The following STIM1 variants were observed in gnomAD, a reference collection of about 807,000 sequenced individuals.
STIM1 encodes the protein stromal interaction molecule 1.
STIM1 carries 25 observed loss-of-function variants against 74.7 expected under a neutral mutation model. That is an observed-to-expected ratio of 0.33 (90% CI 0.24 to 0.47). The LOEUF (loss-of-function observed/expected upper bound fraction) is 0.47. Ranked by LOEUF, STIM1 falls within the 20% of genes least tolerant of loss-of-function variation. The probability of loss-of-function intolerance (pLI) is 1.00; values close to 1 mark genes in which losing one functional copy is unlikely to be tolerated. For synonymous variants in STIM1, 328 were observed against 348.8 expected (o/e 0.94, Z 0.66); for missense variants, 728 against 920.8 (o/e 0.79, Z 2.71).
chr11:3,973,204 C>T, intron 2 of STIM1: 2 of 446,146 alleles, frequency 4.5e-6, no homozygotes, highest in Non-Finnish European at 4.4e-6. Flanking sequence ...ACCAGCATGG[C>T]TGCTACCAAA....
In STIM1 at chr11:3,922,003, A is replaced by G. The variant is rs1043704376; in HGVS notation, c.140-45549A>G. ...TTAAAACCTAAGAGACCAGAGCCAT[A>G]GCCACTCAGTTAAGCCACTTCCTTG... On this transcript the variant is annotated intron_variant, in intron 1 of 12. Coordinates refer to ENST00000526596, the MANE Select transcript of STIM1 (RefSeq NM_001382567.1). 2.6e-5 allele frequency: 4 copies of G among 152,202 alleles called. No individual in the cohort carries two copies. In the East Asian group the frequency reaches 7.7e-4, roughly 29 times the overall value. 9.4% of individuals were successfully genotyped at this position (152,202 alleles called of 1,614,324 possible). A position where few individuals can be genotyped will look rare whatever the true frequency, so the allele number is the denominator to read the frequency against.
chr11:4,040,857 G>A (rs1258175176), intron 3 of STIM1, among the ~76,000 whole-genome samples: 1 of 152,220 alleles, frequency 6.6e-6, no homozygotes, highest in African/African-American at 2.4e-5. Context: ...GGCCCTGGGA[G>A]ACCTGGTTTT....
intron 1 of STIM1, among the ~76,000 whole-genome samples, chr11:3,895,729 TCTTTCTTTTTCTTTCTTC>T (rs2092112312): frequency 9.7e-5 from 4 of 41,036 alleles, no homozygotes; most frequent in African/African-American, 1.7e-4. Context: ...TTTCTTTCTT[TCTTTCTTTTTCTTTCTTC>T]CTTCCTTCCT....
At chr11:3,895,671 T>TTTCTTTCC (rs2092072574) in intron 1 of STIM1, among the ~76,000 whole-genome samples, 45 of 43,368 alleles carry the variant, frequency 1.0e-3, no homozygotes, top group East Asian at 4.5e-3. Context: ...TCTTTCTTTC[T>TTTCTTTCC]TTCCTTCCTT....
intron 3 of STIM1, among the ~76,000 whole-genome samples, chr11:4,054,435 G>A (rs1360641177): frequency 6.7e-6 from 1 of 149,278 alleles, no homozygotes; most frequent in Non-Finnish European, 1.5e-5. Flanking sequence ...GTCAGTCCAT[G>A]GCCCGTTAGG....
chr11:3,911,770 G>A (rs2092565663), intron 1 of STIM1, among the ~76,000 whole-genome samples: 1 of 152,136 alleles, frequency 6.6e-6, no homozygotes, highest in African/African-American at 2.4e-5. Context: ...CTCCTTGCCT[G>A]TAGGCAGGCA....
At chr11:3,927,789 C>G (rs1029355761) in intron 1 of STIM1, among the ~76,000 whole-genome samples, 1 of 152,150 alleles carries the variant, frequency 6.6e-6, no homozygotes, top group Admixed American at 6.5e-5. Context: ...TTTCACTTCT[C>G]CTTGTAAGTC....
At chr11:3,964,104 A>G (rs78603386) in intron 1 of STIM1, among the ~76,000 whole-genome samples, 2,528 of 152,350 alleles carry the variant, frequency 0.017, 72 homozygotes, top group African/African-American at 0.057. Context: ...TGGAGGCTCA[A>G]ATAAATTAAC....
chr11:4,056,113 T>C (rs1247292509), intron 4 of STIM1, among the ~76,000 whole-genome samples: 2 of 152,210 alleles, frequency 1.3e-5, no homozygotes, highest in Non-Finnish European at 2.9e-5. Flanking sequence ...CCTGAGCAGC[T>C]GCCTCTTTTA....
At position 4,091,667 on chromosome 11, in the gene STIM1, C is replaced by T. The variant is rs779108452; in HGVS notation, c.2020C>T (p.Arg674Cys). Residue 674 changes from arginine (R) to cysteine (C), a missense_variant, in exon 13 of 13, where the codon CGC (arginine) becomes TGC (cysteine). By Grantham distance (180) the Arg-to-Cys change is radical. Coordinates refer to ENST00000526596, the MANE Select transcript of STIM1 (RefSeq NM_001382567.1). Reference sequence around the variant, plus strand: ...AGCCCTGCAAGCCAGCCGAAACACACGCATTCCCCACCTGGCTGGCAAGAA... The same window carrying T: ...AGCCCTGCAAGCCAGCCGAAACACATGCATTCCCCACCTGGCTGGCAAGAA... Reference protein sequence around the residue: ...SRALQASRNTRIPHLAGKKAV... With the variant: ...SRALQASRNTCIPHLAGKKAV... 33 of 1,614,130 alleles carry T rather than the reference C, an allele frequency of 2.0e-5. No individual in the cohort carries two copies. The highest frequency in any genetic ancestry group is 2.7e-5 in the Non-Finnish European group (32 of 1,180,054).
At chr11:4,040,761 T>A (rs1317545686) in intron 3 of STIM1, among the ~76,000 whole-genome samples, 3 of 152,280 alleles carry the variant, frequency 2.0e-5, no homozygotes, top group Non-Finnish European at 1.5e-5. Context: ...CTTACTACTC[T>A]GCAGCCATGC....
chr11:4,010,321 C>A (rs1414399563), intron 2 of STIM1, among the ~76,000 whole-genome samples: 1 of 151,992 alleles, frequency 6.6e-6, no homozygotes, highest in African/African-American at 2.4e-5. Context: ...CAGGTGTGTG[C>A]CATCCTGCCT....
intron 3 of STIM1, among the ~76,000 whole-genome samples, chr11:4,041,180 C>G (rs1235468314): frequency 6.6e-6 from 1 of 152,174 alleles, no homozygotes; most frequent in Non-Finnish European, 1.5e-5. Flanking sequence ...TCAGTCACTC[C>G]TTTCTCTGTG....
intron 2 of STIM1, chr11:3,999,453 G>A (rs1054201562): frequency 2.0e-5 from 3 of 152,274 alleles, no homozygotes; most frequent in African/African-American, 7.2e-5. Flanking sequence ...AAGTTAATGT[G>A]TCATATTGTA....
intron 3 of STIM1, among the ~76,000 whole-genome samples, chr11:4,046,680 C>T (rs566425298): frequency 3.6e-4 from 55 of 152,208 alleles, no homozygotes; most frequent in African/African-American, 1.3e-3. Context: ...GACAGGGTCT[C>T]GTTCTGCTGC....
At chr11:3,932,490 G>A (rs990486733) in intron 1 of STIM1, among the ~76,000 whole-genome samples, 8 of 151,840 alleles carry the variant, frequency 5.3e-5, no homozygotes, top group East Asian at 1.9e-4. Flanking sequence ...GTGAAGCCCC[G>A]TCTCTATTAA....
chr11:3,994,825 T>C (rs1398346908), intron 2 of STIM1, among the ~76,000 whole-genome samples: 2 of 152,142 alleles, frequency 1.3e-5, no homozygotes, highest in African/African-American at 4.8e-5. Flanking sequence ...CTGTTCATTT[T>C]TCTTCATTCC....
At chr11:3,895,813 C>CTTCTTTCT in intron 1 of STIM1, among the ~76,000 whole-genome samples, 1 of 66,972 alleles carries the variant, frequency 1.5e-5, no homozygotes, top group South Asian at 4.5e-4. Flanking sequence ...CCTTTCTTTC[C>CTTCTTTCT]TTCCTTCTTT....
intron 3 of STIM1, among the ~76,000 whole-genome samples, chr11:4,025,206 A>C (rs1037670193): frequency 9.2e-5 from 14 of 152,172 alleles, no homozygotes; most frequent in Admixed American, 1.3e-4. Flanking sequence ...TTACATTTTA[A>C]TTTAGGCTTA....
Sources: gnomAD v4.1 joint callset for allele counts (sites outside exome capture counted in the v4.1 genomes callset) on GRCh38, gnomAD v4.1.1 for gene constraint, MANE v1.5 for transcripts, NCBI Gene and HGNC (gene_info 2026-07-23, HGNC 2026-07-21) for gene names.